Variants in STK3 observed in about 807,000 individuals in gnomAD.
STK3 encodes serine/threonine-protein kinase 3.
A neutral mutation model predicts 58.0 loss-of-function variants in STK3; 41 were observed. The ratio of observed to expected loss-of-function variants is 0.71; its 90% CI spans 0.55 to 0.92. The LOEUF (loss-of-function observed/expected upper bound fraction) is 0.92. Among genes scored for constraint, STK3 ranks in the 40% least tolerant of loss-of-function variants. The pLI, the probability that STK3 is intolerant of heterozygous loss-of-function variation, is 0.00. For missense variants in STK3, 479 were observed against 602.7 expected (o/e 0.79, Z 2.15); for synonymous variants, 170 against 191.0 (o/e 0.89, Z 0.91).
chr8:98,847,255 C>T (rs544253282), intron 3 of STK3, among the ~76,000 whole-genome samples: 1 of 152,256 alleles, frequency 6.6e-6, no homozygotes, highest in East Asian at 1.9e-4. Context: ...ATCAGAAGAC[C>T]ACAACAAAAC....
chr8:98,745,481 A>G (rs1829579449), intron 4 of STK3, among the ~76,000 whole-genome samples: 1 of 152,170 alleles, frequency 6.6e-6, no homozygotes, highest in African/African-American at 2.4e-5. Context: ...TAAAGAACTA[A>G]AATGTCTGGA....
At chr8:98,867,123 A>G (rs184614057) in intron 3 of STK3, among the ~76,000 whole-genome samples, 1 of 152,314 alleles carries the variant, frequency 6.6e-6, no homozygotes, top group East Asian at 1.9e-4. Context: ...ACCATTTTAA[A>G]ATGGGGAAAC....
downstream of STK3, among the ~76,000 whole-genome samples, chr8:98,400,662 C>T (rs914679206): frequency 1.2e-4 from 19 of 152,214 alleles, no homozygotes; most frequent in African/African-American, 4.6e-4. Context: ...TGATGATTTT[C>T]ACAGCCAATT....
rs1015659982 is a variant in STK3, at chr8:98,844,921, C to A, written c.110+38726G>T. Among the ~76,000 whole-genome samples the A allele has an allele frequency of 9.2e-5, 14 of 152,284 alleles. No homozygotes were observed. The East Asian group carries it at 2.7e-3, about 29-fold the overall frequency. ...GCTAGGAAGTGTTTTTTCTACTTTC[C>A]AATAAGCAAAGTACACCAGAAGCAC... is the stretch of plus-strand genomic sequence containing the variant. On this transcript the variant is annotated intron_variant, in intron 3 of 12. Transcript: ENST00000523601.
chr8:98,651,396 CAG>C (rs1387237443), intron 6 of STK3: 1 of 152,252 alleles, frequency 6.6e-6, no homozygotes, highest in Non-Finnish European at 1.5e-5. Flanking sequence ...TGGGGGAAAA[CAG>C]AGCAGAAAAA....
chr8:98,357,703 C>T, the STK3 span, among the ~76,000 whole-genome samples: 1 of 152,240 alleles, frequency 6.6e-6, no homozygotes, highest in African/African-American at 2.4e-5. Context: ...TTTGCCTTCT[C>T]CTTTCTGCTT....
rs576271996 is a variant in STK3 at position 98,627,805 on chromosome 8, T to A, written c.685-31636A>T. ...TTACATCTATGTTTACTACCAAAAATTTTATAGATTTAGCTGTTAAATTTA... is the reference window on the plus strand; with the variant it reads ...TTACATCTATGTTTACTACCAAAAAATTTATAGATTTAGCTGTTAAATTTA... On this transcript the variant is annotated intron_variant, in intron 6 of 10. Transcript: ENST00000419617. Among the ~76,000 whole-genome samples, 48 of 152,290 alleles carry A rather than the reference T, an allele frequency of 3.2e-4. No individual in the cohort carries two copies. In the South Asian group the frequency reaches 9.5e-3, roughly 30 times the overall value.
chr8:98,721,504 A>G (rs1392934312), intron 4 of STK3, among the ~76,000 whole-genome samples: 1 of 151,730 alleles, frequency 6.6e-6, no homozygotes, highest in Admixed American at 6.6e-5. Flanking sequence ...CCTCGTCTCT[A>G]AAAAAAACTA....
intron 2 of STK3, among the ~76,000 whole-genome samples, chr8:98,768,661 C>T (rs1464462895): frequency 6.6e-6 from 1 of 152,178 alleles, no homozygotes; most frequent in Non-Finnish European, 1.5e-5. Flanking sequence ...AATTAGGCAA[C>T]ACCATCACTC....
At chr8:98,491,430 A>T (rs1045260785) in intron 10 of STK3, among the ~76,000 whole-genome samples, 7 of 144,484 alleles carry the variant, frequency 4.8e-5, no homozygotes, top group African/African-American at 1.3e-4. Context: ...CACCTAGGAA[A>T]TTTTTTTTTT....
chr8:98,427,361 C>G (rs1029768203), intron 3 of STK3: 3 of 152,010 alleles, frequency 2.0e-5, no homozygotes, highest in Non-Finnish European at 4.4e-5. Flanking sequence ...AGGGCGAGCC[C>G]GGGCAGCCCC....
At chr8:98,613,813 A>G (rs1817406083) in intron 6 of STK3, among the ~76,000 whole-genome samples, 1 of 152,160 alleles carries the variant, frequency 6.6e-6, no homozygotes, top group Non-Finnish European at 1.5e-5. Context: ...ACTAACTTAT[A>G]ATATAAAAAT....
At chr8:98,773,632 G>C (rs1316811469) in intron 2 of STK3, among the ~76,000 whole-genome samples, 1 of 151,752 alleles carries the variant, frequency 6.6e-6, no homozygotes, top group Non-Finnish European at 1.5e-5. Context: ...TCCATTATTT[G>C]TTTTACTTGC....
intron 6 of STK3, among the ~76,000 whole-genome samples, chr8:98,677,336 A>ACCCCCC (rs1438354759): frequency 5.9e-5 from 4 of 67,508 alleles, no homozygotes; most frequent in Admixed American, 1.5e-4. Flanking sequence ...CCGCACCCCC[A>ACCCCCC]CCCCCCGCCC....
At chr8:98,374,303 G>A (rs1339455127) in intron 2 of STK3, among the ~76,000 whole-genome samples, 2 of 152,158 alleles carry the variant, frequency 1.3e-5, no homozygotes, top group Non-Finnish European at 2.9e-5. Context: ...ATCTGGCCAT[G>A]GAAAGAGGCC....
At chr8:98,465,522 G>C (rs1048495215) in intron 10 of STK3, among the ~76,000 whole-genome samples, 1 of 152,194 alleles carries the variant, frequency 6.6e-6, no homozygotes, top group Non-Finnish European at 1.5e-5. Flanking sequence ...TATGAAATAA[G>C]TGCATATGTG....
chr8:98,353,438 C>G, the STK3 span, among the ~76,000 whole-genome samples: 2 of 152,202 alleles, frequency 1.3e-5, no homozygotes, highest in Admixed American at 1.3e-4. Context: ...CTGCAGTGAG[C>G]TGTCATTGCA....
chr8:98,614,624 G>T (rs955388450), intron 6 of STK3, among the ~76,000 whole-genome samples: 1 of 152,154 alleles, frequency 6.6e-6, no homozygotes, highest in Admixed American at 6.5e-5. Context: ...AGCCGAAGCA[G>T]GGCGAGGCAT....
chr8:98,656,725 A>G (rs919420625), intron 6 of STK3, among the ~76,000 whole-genome samples: 6 of 152,094 alleles, frequency 3.9e-5, no homozygotes, highest in African/African-American at 1.2e-4. Context: ...CTCTATCATT[A>G]TCCATTGGGA....
Sources: allele counts gnomAD v4.1 joint callset (sites outside exome capture counted in the v4.1 genomes callset), GRCh38; gene constraint gnomAD v4.1.1; transcripts MANE v1.5; gene names NCBI Gene and HGNC (gene_info 2026-07-23, HGNC 2026-07-21).